Variants in LYPD6B observed in about 807,000 individuals in gnomAD.
The protein encoded by LYPD6B is LY6/PLAUR domain containing 6B.
LYPD6B carries 17 observed loss-of-function variants against 22.8 expected under a neutral mutation model. The observed-to-expected ratio is 0.75, with a 90% CI of 0.51 to 1.12. The LOEUF is 1.12. Among genes scored for constraint, LYPD6B ranks in the 50% most tolerant of loss-of-function variants. LYPD6B has a pLI of 0.00. For synonymous variants in LYPD6B, 106 were observed against 91.6 expected (o/e 1.16, Z -0.90); for missense variants, 221 against 258.3 (o/e 0.86, Z 0.99).
chr2:149,123,360 G>A (rs1444236660), intron 1 of LYPD6B, among the ~76,000 whole-genome samples: 2 of 152,092 alleles, frequency 1.3e-5, no homozygotes, highest in African/African-American at 2.4e-5. Context: ...AGGATTTTGG[G>A]CCTGGTTTTA....
At chr2:149,198,004 GTT>G (rs1692924942) in intron 3 of LYPD6B, among the ~76,000 whole-genome samples, 1 of 150,938 alleles carries the variant, frequency 6.6e-6, no homozygotes. Flanking sequence ...TTTAAAGGGA[GTT>G]TCTAATTCCT....
rs778486024 is a variant in LYPD6B at position 149,214,753 on chromosome 2, C to G, written c.*43C>G. On this transcript the variant is annotated 3_prime_UTR_variant, in exon 7 of 7. Transcript: ENST00000409642. ...GAGGCAGAGACCAGCCTCTAAAGCACAAGCCAAAAACTGTGTGAACGGTGA... is the reference window on the plus strand; with the variant it reads ...GAGGCAGAGACCAGCCTCTAAAGCAGAAGCCAAAAACTGTGTGAACGGTGA... The G allele has an allele frequency of 6.9e-6, 11 of 1,599,836 alleles. No individual in the cohort carries two copies. Among genetic ancestry groups the G allele is most frequent in the Non-Finnish European group, 9.4e-6 (11 of 1,167,638 alleles).
At chr2:149,074,240 G>A (rs12692661) in intron 1 of LYPD6B, among the ~76,000 whole-genome samples, 64,786 of 150,126 alleles carry the variant, frequency 0.43, 14,649 homozygotes, top group East Asian at 0.81. Flanking sequence ...GATGGCACAC[G>A]TGCACACACA....
intron 1 of LYPD6B, among the ~76,000 whole-genome samples, chr2:149,096,217 AAGAG>A (rs1476192168): frequency 3.3e-5 from 5 of 152,010 alleles, no homozygotes; most frequent in Admixed American, 1.3e-4. Context: ...CAGAGAGAAA[AAGAG>A]AGAGAGACAC....
chr2:149,045,432 T>G (rs1324804318), intron 1 of LYPD6B, among the ~76,000 whole-genome samples: 1 of 152,058 alleles, frequency 6.6e-6, no homozygotes. Context: ...GCTCTTATTT[T>G]ATTATTGCCT....
intron 1 of LYPD6B, among the ~76,000 whole-genome samples, chr2:149,077,834 A>G (rs2377512): frequency 0.41 from 62,811 of 152,024 alleles, 13,021 homozygotes; most frequent in South Asian, 0.51. Flanking sequence ...TCACACTGGC[A>G]TCTATTCTTC....
intron 2 of LYPD6B, among the ~76,000 whole-genome samples, chr2:149,147,422 A>G (rs1689093945): frequency 6.6e-6 from 1 of 152,168 alleles, no homozygotes; most frequent in African/African-American, 2.4e-5. Context: ...CTTATCTGAT[A>G]AGGATTTATT....
rs149168202 is a variant in LYPD6B, at chr2:149,192,838, G to A, written c.78-12415G>A. Among the ~76,000 whole-genome samples the A allele has an allele frequency of 8.8e-3, 1,346 of 152,170 alleles. 15 individuals are homozygous for A. Among genetic ancestry groups the A allele is most frequent in the South Asian group, 0.017 (84 of 4,810 alleles). ...GATCTGCCTCAGAGCCAGGGGAGTG[G>A]GCTTTGCAAACTGAAGAGAATGGTG... On this transcript the variant is annotated intron_variant, in intron 3 of 6. Transcript: ENST00000409642.
At chr2:149,063,074 A>G (rs1684166245) in intron 1 of LYPD6B, among the ~76,000 whole-genome samples, 1 of 151,934 alleles carries the variant, frequency 6.6e-6, no homozygotes, top group African/African-American at 2.4e-5. Flanking sequence ...AGGAACTTAT[A>G]TCTTAATGGG....
intron 3 of LYPD6B, among the ~76,000 whole-genome samples, chr2:149,194,975 G>A (rs1692717345): frequency 6.6e-6 from 1 of 152,180 alleles, no homozygotes; most frequent in Admixed American, 6.5e-5. Flanking sequence ...TTCAGTTGCT[G>A]AAAATGGAGT....
intron 3 of LYPD6B, among the ~76,000 whole-genome samples, chr2:149,189,367 T>TATATATATATATATATATATATATAC (rs1290881582): frequency 4.1e-4 from 33 of 80,998 alleles, no homozygotes; most frequent in African/African-American, 1.1e-3. Flanking sequence ...TATATATATA[T>TATATATATATATATATATATATATAC]ACACACACAT....
chr2:149,092,348 G>A (rs542258005), intron 1 of LYPD6B, among the ~76,000 whole-genome samples: 1 of 152,110 alleles, frequency 6.6e-6, no homozygotes, highest in Non-Finnish European at 1.5e-5. Context: ...TGTGGTGAGA[G>A]TTGCCTTAGA....
intron 1 of LYPD6B, among the ~76,000 whole-genome samples, chr2:149,129,645 T>C (rs1327354475): frequency 1.3e-5 from 2 of 152,214 alleles, no homozygotes; most frequent in Non-Finnish European, 2.9e-5. Context: ...GGTGAGGAGT[T>C]CTAAGTGCTA....
chr2:149,088,107 A>C (rs1685485089), intron 1 of LYPD6B, among the ~76,000 whole-genome samples: 1 of 102,628 alleles, frequency 9.7e-6, no homozygotes, highest in Admixed American at 1.0e-4. Context: ...CCCCCACCCA[A>C]CTTTATGTCC....
intron 3 of LYPD6B, among the ~76,000 whole-genome samples, chr2:149,195,312 T>A (rs988515614): frequency 6.6e-6 from 1 of 152,084 alleles, no homozygotes; most frequent in Non-Finnish European, 1.5e-5. Context: ...GGAGTAGGCA[T>A]GGAAAGATTT....
intron 2 of LYPD6B, among the ~76,000 whole-genome samples, chr2:149,153,858 A>T (rs1220985448): frequency 2.6e-5 from 4 of 151,990 alleles, no homozygotes; most frequent in African/African-American, 9.7e-5. Context: ...GACGGCAGGC[A>T]TGGAAAAGAG....
At chr2:149,133,653 C>G (rs2105718307) in intron 2 of LYPD6B, among the ~76,000 whole-genome samples, 1 of 152,254 alleles carries the variant, frequency 6.6e-6, no homozygotes, top group Admixed American at 6.5e-5. Context: ...ATTAGCAGAA[C>G]TTCTTGGCAC....
chr2:149,187,590 C>A (rs766469141), intron 3 of LYPD6B: 1 of 1,339,162 alleles, frequency 7.5e-7, no homozygotes, highest in Non-Finnish European at 9.7e-7. Context: ...GTAGGTGCCC[C>A]GTAAATATTG....
intron 2 of LYPD6B, among the ~76,000 whole-genome samples, chr2:149,133,716 G>A (rs1688173002): frequency 6.6e-6 from 1 of 152,206 alleles, no homozygotes; most frequent in Non-Finnish European, 1.5e-5. Flanking sequence ...GCTAGAATCA[G>A]GGAGAAGGGA....
Sources: gnomAD v4.1 joint callset for allele counts (sites outside exome capture counted in the v4.1 genomes callset) on GRCh38, gnomAD v4.1.1 for gene constraint, MANE v1.5 for transcripts, NCBI Gene and HGNC (gene_info 2026-07-23, HGNC 2026-07-21) for gene names.